The following ACYP2 variants were observed in gnomAD, a reference collection of about 807,000 sequenced individuals.
The protein encoded by ACYP2 is acylphosphatase 2, also known as acylphosphatase-2.
Under a neutral mutation model 11.2 loss-of-function variants are expected in ACYP2, and 12 were observed. That is an observed-to-expected ratio of 1.08 (90% CI 0.69 to 1.74). ACYP2 has a LOEUF of 1.74. ACYP2 is among the 40% of genes most tolerant of loss of function. The pLI, the probability that ACYP2 is intolerant of heterozygous loss-of-function variation, is 0.00. For missense variants in ACYP2, 134 were observed against 101.9 expected (o/e 1.31, Z -1.35); for synonymous variants, 43 against 32.2 (o/e 1.33, Z -1.13).
chr2:54,237,075 G>C (rs1319359413), intron 6 of ACYP2, among the ~76,000 whole-genome samples: 1 of 152,048 alleles, frequency 6.6e-6, no homozygotes, highest in African/African-American at 2.4e-5. Flanking sequence ...CATGTATATT[G>C]TATTAGGTAT....
At chr2:54,113,681 A>AGAT (rs1260024836) in intron 4 of ACYP2, among the ~76,000 whole-genome samples, 1 of 152,226 alleles carries the variant, frequency 6.6e-6, no homozygotes, top group Non-Finnish European at 1.5e-5. Flanking sequence ...CCACTCGCAG[A>AGAT]GATGACTGAG....
At chr2:54,125,464 T>C (rs1044960141) in intron 4 of ACYP2, among the ~76,000 whole-genome samples, 4 of 152,180 alleles carry the variant, frequency 2.6e-5, no homozygotes, top group African/African-American at 9.6e-5. Flanking sequence ...AAATACTAAT[T>C]TTTGGCCAGG....
intron 6 of ACYP2, among the ~76,000 whole-genome samples, chr2:54,278,372 T>A (rs1688704852): frequency 6.6e-6 from 1 of 152,248 alleles, no homozygotes; most frequent in African/African-American, 2.4e-5. Flanking sequence ...AGTTGAATTT[T>A]ATAGCTGCTG....
chr2:54,178,296 C>G (rs765308925), intron 6 of ACYP2, among the ~76,000 whole-genome samples: 3 of 152,134 alleles, frequency 2.0e-5, no homozygotes, highest in Non-Finnish European at 4.4e-5. Context: ...TTGAAAACTT[C>G]CAATAAACAC....
At chr2:54,034,504 G>C (rs995680054) in intron 2 of ACYP2, among the ~76,000 whole-genome samples, 1 of 152,188 alleles carries the variant, frequency 6.6e-6, no homozygotes, top group African/African-American at 2.4e-5. Flanking sequence ...TTGTAACCTA[G>C]GAGTGATAGT....
intron 6 of ACYP2, among the ~76,000 whole-genome samples, chr2:54,219,766 G>A (rs1685702098): frequency 6.6e-6 from 1 of 150,988 alleles, no homozygotes; most frequent in Non-Finnish European, 1.5e-5. Flanking sequence ...TTACAGGTGT[G>A]CGCCACCACA....
At chr2:54,078,661 G>A (rs557049779) in intron 4 of ACYP2, among the ~76,000 whole-genome samples, 26 of 150,854 alleles carry the variant, frequency 1.7e-4, no homozygotes, top group African/African-American at 4.6e-4. Context: ...GTGCAGTGGC[G>A]CAATTTTGGC....
rs527797970 is a variant in ACYP2 at position 54,120,740 on chromosome 2, A to G, written c.278-14713A>G. The stretch of plus-strand genomic sequence containing the variant: ...CTGCGCTTGCCTTGGCTCTGTGGTC[A>G]GCCCGCAGCTGGTCCAGGGGTGCCG... On this transcript the variant is annotated intron_variant, in intron 4 of 6. Coordinates refer to ENST00000607452, the MANE Select transcript of ACYP2 (RefSeq NM_001320586.2). 5.9e-5 allele frequency among the ~76,000 whole-genome samples: 9 copies of G among 152,306 alleles called. No homozygotes were observed. In the East Asian group the frequency reaches 1.7e-3, roughly 30 times the overall value.
At chr2:54,197,816 G>C (rs1160224677) in intron 6 of ACYP2, among the ~76,000 whole-genome samples, 1 of 152,086 alleles carries the variant, frequency 6.6e-6, no homozygotes, top group East Asian at 1.9e-4. Flanking sequence ...TCAGGTCTTG[G>C]GTAAGAAACA....
At chr2:54,055,555 A>G (rs929326926) in intron 3 of ACYP2, among the ~76,000 whole-genome samples, 17 of 152,174 alleles carry the variant, frequency 1.1e-4, no homozygotes, top group Admixed American at 3.3e-4. Flanking sequence ...TTATTTTCCT[A>G]TTTTACAAAT....
At position 54,032,709 on chromosome 2, in the gene ACYP2, C is replaced by G. The variant is rs544861587; in HGVS notation, c.63-18249C>G. ...GGGATGGCATTGAATCTATAAATTA[C>G]TCCCATTCACAATTGCTTCAAAGAG... On this transcript the variant is annotated intron_variant, in intron 2 of 6. Transcript: ENST00000607452. 9.2e-5 allele frequency among the ~76,000 whole-genome samples: 14 copies of G among 152,242 alleles called. No individual in the cohort carries two copies. The East Asian group carries it at 2.7e-3, about 29-fold the overall frequency.
intron 6 of ACYP2, chr2:54,256,192 A>G (rs1573003393): frequency 6.4e-7 from 1 of 1,553,752 alleles, no homozygotes; most frequent in Non-Finnish European, 8.7e-7. Flanking sequence ...AGGCCAGGCC[A>G]GAGGTAGGTA....
chr2:54,281,052 C>T (rs980845990), intron 6 of ACYP2, among the ~76,000 whole-genome samples: 5 of 152,150 alleles, frequency 3.3e-5, no homozygotes, highest in Non-Finnish European at 7.4e-5. Flanking sequence ...ATAATAATAG[C>T]TTCCTCAGAG....
chr2:54,238,584 A>G (rs560643956), intron 6 of ACYP2, among the ~76,000 whole-genome samples: 1 of 152,306 alleles, frequency 6.6e-6, no homozygotes, highest in East Asian at 1.9e-4. Context: ...TAAAATAGCA[A>G]AATGAAATAT....
chr2:54,147,208 T>C (rs1681937314), intron 6 of ACYP2, among the ~76,000 whole-genome samples: 2 of 152,194 alleles, frequency 1.3e-5, no homozygotes, highest in South Asian at 4.1e-4. Flanking sequence ...CCGGCTTTCC[T>C]TACAATCATA....
At chr2:54,108,991 A>T (rs1679317807) in intron 4 of ACYP2, among the ~76,000 whole-genome samples, 1 of 152,088 alleles carries the variant, frequency 6.6e-6, no homozygotes. Context: ...AGTATATTTG[A>T]TTATCTACTT....
chr2:54,045,023 T>G (rs140202634), intron 2 of ACYP2, among the ~76,000 whole-genome samples: 4 of 152,318 alleles, frequency 2.6e-5, no homozygotes, highest in African/African-American at 9.6e-5. Flanking sequence ...AAGATTATAG[T>G]GTCCCTAAAG....
At chr2:54,277,849 CATG>C (rs753566652) in intron 6 of ACYP2, among the ~76,000 whole-genome samples, 1 of 151,846 alleles carries the variant, frequency 6.6e-6, no homozygotes, top group African/African-American at 2.4e-5. Context: ...TGTCATTTAC[CATG>C]ATATTTTTAT....
chr2:54,292,662 A>G (rs984287987), intron 6 of ACYP2, among the ~76,000 whole-genome samples: 18 of 88,556 alleles, frequency 2.0e-4, no homozygotes, highest in African/African-American at 7.2e-4. Context: ...GTGTGTGTAT[A>G]TATGTATACA....
Sources: gnomAD v4.1 joint callset for allele counts (sites outside exome capture counted in the v4.1 genomes callset) on GRCh38, gnomAD v4.1.1 for gene constraint, MANE v1.5 for transcripts, NCBI Gene and HGNC (gene_info 2026-07-23, HGNC 2026-07-21) for gene names.